Variants in MTOR observed in about 807,000 individuals in gnomAD.
The protein encoded by MTOR is serine/threonine-protein kinase mTOR.
MTOR carries 70 observed loss-of-function variants against 319.8 expected under a neutral mutation model. That is an observed-to-expected ratio of 0.22 (90% confidence interval 0.18 to 0.27). The LOEUF (loss-of-function observed/expected upper bound fraction) is 0.27. MTOR is among the 10% of genes least tolerant of loss of function. The probability of loss-of-function intolerance (pLI) is 1.00; values close to 1 mark genes in which losing one functional copy is unlikely to be tolerated. For missense variants in MTOR, 1,890 were observed against 3,274.4 expected, an observed-to-expected ratio of 0.58 and a Z score of 10.32; for synonymous variants, 1,183 against 1,211.4, an observed-to-expected ratio of 0.98 and a Z score of 0.49.
intron 29 of MTOR, among the ~76,000 whole-genome samples, chr1:11,167,129 A>G (rs1255285688): frequency 6.6e-6 from 1 of 152,124 alleles, no homozygotes; most frequent in Non-Finnish European, 1.5e-5. Context: ...TAGCATTAGG[A>G]GATATTCCTA....
At chr1:11,116,400 G>A (rs1392758183) in intron 50 of MTOR, among the ~76,000 whole-genome samples, 1 of 152,124 alleles carries the variant, frequency 6.6e-6, no homozygotes, top group Non-Finnish European at 1.5e-5. Context: ...CTACAGCTTT[G>A]ACCTTCTGGA....
rs1419462588 is a variant in MTOR at position 11,106,729 on chromosome 1, A to C, written c.*756T>G. ...TTTCTGTTTTCTGAGCCCTTGCTCT[A>C]AACAGAGTATTTTGACCACTGAAAA... On this transcript the variant is annotated 3_prime_UTR_variant, in exon 58 of 58. Transcript: ENST00000361445. 8.2e-7 allele frequency: 1 copy of C among 1,226,160 alleles called. No homozygotes were observed. Among genetic ancestry groups the C allele is most frequent in the African/African-American group, 1.5e-5 (1 of 65,780 alleles). The allele number at this position is 1,226,160 out of a possible 1,614,324, so 76.0% of individuals were successfully genotyped here.
At chr1:11,234,386 G>T in intron 13 of MTOR, 121 bp from the exon 14 acceptor site, 2 of 1,141,170 alleles carry the variant, frequency 1.8e-6, no homozygotes, top group Non-Finnish European at 2.5e-6. Flanking sequence ...GACAGATGAA[G>T]TAGCTGCTAG....
chr1:11,194,438 T>C, intron 28 of MTOR: 1 of 1,612,526 alleles, frequency 6.2e-7, no homozygotes, highest in Non-Finnish European at 8.5e-7. Flanking sequence ...GCACTTTCTT[T>C]AAGGCTCTGC....
At chr1:11,150,566 G>A (rs1644104579) in intron 30 of MTOR, among the ~76,000 whole-genome samples, 1 of 152,204 alleles carries the variant, frequency 6.6e-6, no homozygotes, top group Non-Finnish European at 1.5e-5. Context: ...GGCCTACAGA[G>A]AAAGCAATCT....
At chr1:11,179,934 T>TA (rs1041399009) in intron 28 of MTOR, among the ~76,000 whole-genome samples, 22 of 152,188 alleles carry the variant, frequency 1.4e-4, no homozygotes, top group African/African-American at 4.8e-4. Flanking sequence ...TGTTTTGAGA[T>TA]AGTGTCTTGT....
Position 11,117,192 on chromosome 1 carries a change from G to A in MTOR, c.6934-106C>T, listed in dbSNP as rs575230094. 75 of 900,934 alleles carry A rather than the reference G, an allele frequency of 8.3e-5. No homozygotes were observed. The African/African-American group carries it at 9.4e-4, about 11-fold the overall frequency. 55.8% of individuals were successfully genotyped at this position (900,934 alleles called of 1,614,324 possible). A position where few individuals can be genotyped will look rare whatever the true frequency, so the allele number is the denominator to read the frequency against. On this transcript the variant is annotated intron_variant, in intron 49 of 57. Transcript: ENST00000361445. ...GTTTGTACTTTTGAGACCGAGTCTC[G>A]CTCTGTCGCCCAGGCTGGAAGGCAG...
rs1642886502 is a variant in MTOR, at chr1:11,127,293, G to A, written c.6217-149C>T. ...GGCTGGAGAAAGCAAGAGCATAGGT[G>A]CAGGCCTCCAACCCTGGAGCTTCCA... On this transcript the variant is annotated intron_variant, in intron 44 of 57. Coordinates refer to ENST00000361445, the MANE Select transcript of MTOR (RefSeq NM_004958.4). The surrounding 1 kb of genome is among the most constrained non-coding windows in gnomAD (Gnocchi z 5.5). 2 of 1,120,054 alleles carry A rather than the reference G, an allele frequency of 1.8e-6. No homozygotes were observed. Among genetic ancestry groups the A allele is most frequent in the South Asian group, 1.6e-5 (1 of 62,852 alleles). The allele number at this position is 1,120,054 out of a possible 1,614,324, so 69.4% of individuals were successfully genotyped here. A position where few individuals can be genotyped will look rare whatever the true frequency, so the allele number is the denominator to read the frequency against.
intron 49 of MTOR, among the ~76,000 whole-genome samples, chr1:11,117,780 C>T (rs764278671): frequency 2.6e-5 from 4 of 151,954 alleles, no homozygotes; most frequent in Non-Finnish European, 5.9e-5. Context: ...TCCAAGGACA[C>T]GTAGAATTTA....
chr1:11,259,432 A>G lies in MTOR; in HGVS notation c.-14-9T>C. The G allele has an allele frequency of 1.3e-6, 2 of 1,522,982 alleles. No homozygotes were observed. The highest frequency in any genetic ancestry group is 1.8e-6 in the Non-Finnish European group (2 of 1,142,526). 94.3% of individuals were successfully genotyped at this position (1,522,982 alleles called of 1,614,324 possible). ...CATCTTGCCCTGAGGTTCTTTAGAG[A>G]GAAGTTTCCTTTAATATTCTGGATA... On this transcript the variant is annotated splice_polypyrimidine_tract_variant and intron_variant, in intron 1 of 57. Coordinates refer to ENST00000361445, the MANE Select transcript of MTOR (RefSeq NM_004958.4).
At position 11,162,808 on chromosome 1, in the gene MTOR, C is replaced by T. The variant is rs534612725; in HGVS notation, c.4329+4634G>A. Among the ~76,000 whole-genome samples, 308 of 152,254 alleles carry T rather than the reference C, an allele frequency of 2.0e-3. 2 individuals are homozygous for T. Among genetic ancestry groups the T allele is most frequent in the African/African-American group, 6.0e-3 (251 of 41,546 alleles). On this transcript the variant is annotated intron_variant, in intron 29 of 57. Transcript: ENST00000361445. ...AGCACTAAACATGGAAAGGAACAAC[C>T]GGTACCAGCCACTCCAAAAACATGC...
intron 28 of MTOR, among the ~76,000 whole-genome samples, chr1:11,171,693 T>G (rs947320935): frequency 6.6e-6 from 1 of 152,046 alleles, no homozygotes; most frequent in African/African-American, 2.4e-5. Flanking sequence ...CTGACCAGCA[T>G]AGCTTTGCAA....
chr1:11,232,074 A>C (rs1031403018), intron 16 of MTOR, among the ~76,000 whole-genome samples: 2 of 152,188 alleles, frequency 1.3e-5, no homozygotes, highest in African/African-American at 4.8e-5. Context: ...CAAATTGGGA[A>C]AGCAGAACCA....
chr1:11,226,470 A>T (rs972539236), intron 19 of MTOR: 2 of 152,230 alleles, frequency 1.3e-5, no homozygotes, highest in Non-Finnish European at 2.9e-5. Flanking sequence ...GCAAGGTTAT[A>T]GATTTCCACT....
At chr1:11,187,769 G>T (rs1448379750) in intron 28 of MTOR, among the ~76,000 whole-genome samples, 1 of 152,172 alleles carries the variant, frequency 6.6e-6, no homozygotes, top group Non-Finnish European at 1.5e-5. Context: ...GAATGCTATG[G>T]AGCTAAGGCT....
intron 32 of MTOR, among the ~76,000 whole-genome samples, chr1:11,145,701 A>G (rs1226237759): frequency 6.6e-6 from 1 of 151,832 alleles, no homozygotes; most frequent in African/African-American, 2.4e-5. Flanking sequence ...ATAGGGTTTC[A>G]CCATGTTGGG....
intron 30 of MTOR, 74 bp downstream of exon 30, chr1:11,157,078 C>A (rs1473677635): frequency 2.0e-6 from 3 of 1,486,272 alleles, no homozygotes; most frequent in African/African-American, 2.8e-5. Flanking sequence ...TGGGGGAAGC[C>A]TTCCTTTCAA....
chr1:11,221,295 T>G (rs1646652503), intron 19 of MTOR, among the ~76,000 whole-genome samples: 2 of 152,132 alleles, frequency 1.3e-5, no homozygotes, highest in South Asian at 4.1e-4. Context: ...ACGCTCAGCC[T>G]AAATTTTTTG....
intron 26 of MTOR, among the ~76,000 whole-genome samples, chr1:11,203,492 T>C (rs1451024831): frequency 6.6e-6 from 1 of 152,030 alleles, no homozygotes; most frequent in African/African-American, 2.4e-5. Flanking sequence ...CTGGCCAACA[T>C]GGCGAAACCC....
Sources: allele counts gnomAD v4.1 joint callset (sites outside exome capture counted in the v4.1 genomes callset), GRCh38; gene constraint gnomAD v4.1.1; non-coding constraint Gnocchi (gnomAD v3.1); transcripts MANE v1.5; gene names NCBI Gene and HGNC (gene_info 2026-07-23, HGNC 2026-07-21).